CA2: variants seen among roughly 807,000 people sequenced by gnomAD.
CA2 encodes carbonate dehydratase II.
CA2 carries 23 observed loss-of-function variants against 27.8 expected under a neutral mutation model. The ratio of observed to expected loss-of-function variants is 0.83; its 90% CI spans 0.59 to 1.17. The LOEUF is 1.17. CA2 is among the 50% of genes most tolerant of loss of function. The pLI is 0.00. For missense variants in CA2, 300 were observed against 314.7 expected, an observed-to-expected ratio of 0.95 and a Z score of 0.35; for synonymous variants, 99 against 114.9, an observed-to-expected ratio of 0.86 and a Z score of 0.88.
chr8:85,475,005 C>A (rs981232554), intron 4 of CA2, among the ~76,000 whole-genome samples: 13 of 151,944 alleles, frequency 8.6e-5, no homozygotes, highest in African/African-American at 2.2e-4. Flanking sequence ...GGGAGAGATG[C>A]AAATTAAACA....
chr8:85,465,684 CTT>C (rs1441244023), intron 2 of CA2, among the ~76,000 whole-genome samples: 2 of 152,182 alleles, frequency 1.3e-5, no homozygotes, highest in South Asian at 4.1e-4. Context: ...CTGTAAAACC[CTT>C]GGCTTCTATG....
At chr8:85,475,709 T>G in intron 4 of CA2, 89 bp from the exon 5 acceptor site, 1 of 1,176,382 alleles carries the variant, frequency 8.5e-7, no homozygotes, top group Non-Finnish European at 1.3e-6. Context: ...ACTATTTGGA[T>G]GTTTTCTAAT....
At chr8:85,472,948 C>G (rs1811730913) in intron 2 of CA2, among the ~76,000 whole-genome samples, 1 of 150,780 alleles carries the variant, frequency 6.6e-6, no homozygotes, top group Non-Finnish European at 1.5e-5. Context: ...GAGCCGAGAT[C>G]GCACCACCGC....
At chr8:85,465,928 T>G (rs1811623093) in intron 2 of CA2, among the ~76,000 whole-genome samples, 1 of 152,126 alleles carries the variant, frequency 6.6e-6, no homozygotes, top group Non-Finnish European at 1.5e-5. Flanking sequence ...AATACTGAAA[T>G]TCTGGGAAAA....
At chr8:85,474,146 G>A (rs1274127195) in intron 3 of CA2, among the ~76,000 whole-genome samples, 178 bp from the exon 4 acceptor site, 1 of 152,194 alleles carries the variant, frequency 6.6e-6, no homozygotes, top group Non-Finnish European at 1.5e-5. Context: ...AACACTTGCT[G>A]TTATACCAAG....
At position 85,481,481 on chromosome 8, in the gene CA2, A is replaced by T. The variant is rs1461434959; in HGVS notation, c.*692A>T. On this transcript the variant is annotated 3_prime_UTR_variant, in exon 7 of 7. Coordinates refer to ENST00000285379, the MANE Select transcript of CA2 (RefSeq NM_000067.3). ...TATTTTAGATATATTCTCTAATAAA[A>T]TTCAGAATTCTATTCTGGGTTATTT... is the stretch of plus-strand genomic sequence containing the variant. 6.6e-6 allele frequency: 1 copy of T among 152,138 alleles called. No individual in the cohort carries two copies. The highest frequency in any genetic ancestry group is 2.4e-5 in the African/African-American group (1 of 41,442). The allele number at this position is 152,138 out of a possible 1,614,324, so 9.4% of individuals were successfully genotyped here. A position where few individuals can be genotyped will look rare whatever the true frequency, so the allele number is the denominator to read the frequency against.
rs144837228 is a variant in CA2, at chr8:85,478,589, T to A, written c.663+1314T>A. On this transcript the variant is annotated intron_variant, in intron 6 of 6. Transcript: ENST00000285379. ...GTGTATACACACCCACAGGCAGAAA[T>A]ACACATATAGATAAGGGCAGTTGAA... is the stretch of plus-strand genomic sequence containing the variant. Among the ~76,000 whole-genome samples the A allele has an allele frequency of 1.4e-4, 22 of 152,316 alleles. No homozygotes were observed. The East Asian group carries it at 4.2e-3, about 29-fold the overall frequency.
intron 2 of CA2, among the ~76,000 whole-genome samples, chr8:85,472,782 G>C (rs950102784): frequency 3.3e-5 from 5 of 151,924 alleles, no homozygotes; most frequent in Admixed American, 3.3e-4. Context: ...CTCAAGCTCA[G>C]GAGTTCCAGA....
At chr8:85,474,444 T>C (rs773310801) in intron 4 of CA2, 28 bp downstream of exon 4, 28 of 1,482,428 alleles carry the variant, frequency 1.9e-5, no homozygotes, top group African/African-American at 6.9e-5. Flanking sequence ...TTCTTTTTTT[T>C]CCCTATTTTT....
At chr8:85,470,573 C>T (rs1440850628) in intron 2 of CA2, among the ~76,000 whole-genome samples, 1 of 152,002 alleles carries the variant, frequency 6.6e-6, no homozygotes, top group Non-Finnish European at 1.5e-5. Context: ...ATTAAATGTT[C>T]AGCTTTTAAT....
chr8:85,474,388 G>A lies in CA2; in HGVS notation c.416G>A (p.Gly139Glu), dbSNP rs1409233984. The A allele has an allele frequency of 8.1e-6, 13 of 1,613,768 alleles. No individual in the cohort carries two copies. The highest frequency in any genetic ancestry group is 2.2e-5 in the East Asian group (1 of 44,876). ...DFGKAVQQPD[G>E]LAVLGIFLKV... Reference sequence around the variant, plus strand: ...GGGAAAGCTGTGCAGCAACCTGATGGACTGGCCGTTCTAGGTATTTTTTTG... The same window carrying A: ...GGGAAAGCTGTGCAGCAACCTGATGAACTGGCCGTTCTAGGTATTTTTTTG... The change falls in exon 4 of 7, where the codon GGA (glycine) becomes GAA (glutamate). Residue 139 changes from glycine (G) to glutamate (E), a missense_variant. By Grantham distance (98) the Gly-to-Glu change is moderately conservative (BLOSUM62 -2). Transcript: ENST00000285379.
At chr8:85,468,215 G>A (rs1267999498) in intron 2 of CA2, among the ~76,000 whole-genome samples, 1 of 152,228 alleles carries the variant, frequency 6.6e-6, no homozygotes, top group Non-Finnish European at 1.5e-5. Context: ...TCTTGGACGA[G>A]AGTCCAGGCA....
intron 2 of CA2, among the ~76,000 whole-genome samples, chr8:85,470,942 G>A (rs776347666): frequency 9.2e-5 from 14 of 151,916 alleles, no homozygotes; most frequent in Non-Finnish European, 2.1e-4. Context: ...ATTTTACAGA[G>A]AAAAAATAGG....
intron 2 of CA2, among the ~76,000 whole-genome samples, chr8:85,469,379 C>T (rs1313737576): frequency 2.6e-5 from 4 of 152,070 alleles, no homozygotes; most frequent in East Asian, 1.9e-4. Context: ...AGGAACTGAG[C>T]GGGTTGACTT....
chr8:85,475,817 G>A lies in CA2; in HGVS notation c.464G>A (p.Gly155Asp). The A allele has an allele frequency of 6.2e-7, 1 of 1,614,082 alleles. No individual in the cohort carries two copies. The highest frequency in any genetic ancestry group is 1.6e-4 in the Middle Eastern group (1 of 6,062). The change falls in exon 5 of 7, where the codon GGC becomes GAC. Residue 155 changes from glycine to aspartate, a missense_variant. Gly to Asp is a moderately conservative substitution (Grantham distance 94). This residue lies in a region of CA2 where 173 missense variants were observed against 161.0 expected (regional missense o/e 1.07). Coordinates refer to ENST00000285379, the MANE Select transcript of CA2 (RefSeq NM_000067.3). ...IFLKVGSAKP[G>D]LQKVVDVLDS... ...CTTTAGGTTGGCAGCGCTAAACCGG[G>A]CCTTCAGAAAGTTGTTGATGTGCTG...
chr8:85,474,898 T>A (rs1811768638), intron 4 of CA2, among the ~76,000 whole-genome samples: 1 of 152,044 alleles, frequency 6.6e-6, no homozygotes, highest in Non-Finnish European at 1.5e-5. Context: ...AAGCTACAGG[T>A]GTGTATGAAA....
intron 4 of CA2, chr8:85,474,679 GTGTT>G (rs770737049): frequency 1.3e-5 from 6 of 466,744 alleles, no homozygotes; most frequent in African/African-American, 3.9e-5. Context: ...TGACTGCTAG[GTGTT>G]TGTTTGTTTT....
chr8:85,473,702 G>T lies in CA2; in HGVS notation c.242G>T (p.Gly81Val). 1 of 1,581,666 alleles carries T rather than the reference G, an allele frequency of 6.3e-7. No individual in the cohort carries two copies. The highest frequency in any genetic ancestry group is 8.7e-7 in the Non-Finnish European group (1 of 1,150,482). ...TATGTTTTAATTTTAGTGCTCAAGG[G>T]AGGACCCCTGGATGGCACTTACAGA... ...DDSQDKAVLK[G>V]GPLDGTYRLI... The change falls in exon 3 of 7, where the codon GGA becomes GTA. Residue 81 changes from glycine to valine, a missense_variant. By Grantham distance (109) the Gly-to-Val change is moderately radical. This residue lies in a region of CA2 where 122 missense variants were observed against 133.2 expected (regional missense o/e 0.92). Transcript: ENST00000285379.
chr8:85,475,688 A>G (rs1287715973), intron 4 of CA2, 110 bp from the exon 5 acceptor site: 1 of 918,814 alleles, frequency 1.1e-6, no homozygotes, highest in Admixed American at 2.0e-5. Context: ...TGAAGTGGAG[A>G]ATTTGGGCTC....
Sources: allele counts gnomAD v4.1 joint callset (sites outside exome capture counted in the v4.1 genomes callset), GRCh38; gene constraint gnomAD v4.1.1; regional missense constraint gnomAD v4.1.1; transcripts MANE v1.5; gene names NCBI Gene and HGNC (gene_info 2026-07-23, HGNC 2026-07-21).